Variants in BICDL2 observed in about 807,000 individuals in gnomAD.
The protein encoded by BICDL2 is BICD family-like cargo adapter 2.
A neutral mutation model predicts 56.6 loss-of-function variants in BICDL2; 62 were observed. The observed-to-expected ratio is 1.10, with a 90% CI of 0.89 to 1.35. BICDL2 has a LOEUF of 1.35. Ranked by LOEUF, BICDL2 falls within the 40% of genes most tolerant of loss-of-function variation. The pLI, the probability that BICDL2 is intolerant of heterozygous loss-of-function variation, is 0.00. For synonymous variants in BICDL2, 358 were observed against 319.8 expected (o/e 1.12, Z -1.27); for missense variants, 808 against 684.5 (o/e 1.18, Z -2.01).
At chr16:3,028,900 G>A (rs1450288591) in intron 7 of BICDL2, 70 bp from the exon 8 acceptor site, 11 of 1,486,792 alleles carry the variant, frequency 7.4e-6, no homozygotes, top group Non-Finnish European at 9.8e-6. Flanking sequence ...CAGCAGCCCC[G>A]ACTCTGGCTC....
At chr16:3,030,378 C>T in intron 5 of BICDL2, 71 bp downstream of exon 5, 7 of 1,541,034 alleles carry the variant, frequency 4.5e-6, no homozygotes, top group Non-Finnish European at 6.1e-6. Context: ...GCTCCGGCCT[C>T]ATCTCCCAGA....
In BICDL2 at chr16:3,028,844, AG is replaced by A; in HGVS notation, c.1108-15del. 11 of 1,536,354 alleles carry A rather than the reference AG, an allele frequency of 7.2e-6. No homozygotes were observed. The highest frequency in any genetic ancestry group is 1.2e-5 in the South Asian group (1 of 83,828). On this transcript the variant is annotated splice_polypyrimidine_tract_variant and intron_variant, in intron 7 of 9. Coordinates refer to ENST00000572449, the MANE Select transcript of BICDL2 (RefSeq NM_001369667.1). ...CTGCAGCGAGATCTGTGAGCAGAGG[AG>A]GGGGGCCGTGCGGCAGATGGGCCAA...
In BICDL2 at chr16:3,029,738, A is replaced by C. The variant is rs1345582423; in HGVS notation, c.764T>G (p.Leu255Arg). 5.4e-6 allele frequency: 8 copies of C among 1,493,962 alleles called. No individual in the cohort carries two copies. Among genetic ancestry groups the C allele is most frequent in the Admixed American group, 2.4e-5 (1 of 40,940 alleles). 92.5% of individuals were successfully genotyped at this position (1,493,962 alleles called of 1,614,324 possible). ...CCCAGCCTCTGACCGTGCGCGTTCCAGCTGTGGACGGTCCCGCAGACGGAA... is the reference window on the plus strand; with the variant it reads ...CCCAGCCTCTGACCGTGCGCGTTCCCGCTGTGGACGGTCCCGCAGACGGAA... Reference protein sequence around the residue: ...RRERREHSLELERARSEAGEA... With the variant: ...RRERREHSLERERARSEAGEA... Residue 255 changes from leucine (L) to arginine (R), a missense_variant and splice_region_variant, in exon 6 of 10, where the codon CTG becomes CGG. By Grantham distance (102) the Leu-to-Arg change is moderately radical. Transcript: ENST00000572449.
intron 5 of BICDL2, chr16:3,030,240 C>T (rs1955631915): frequency 1.6e-6 from 1 of 626,528 alleles, no homozygotes; most frequent in Non-Finnish European, 2.7e-6. Flanking sequence ...CCTGCTCTTC[C>T]AGCTGCCAGG....
chr16:3,028,561 G>A (rs1955594479), intron 8 of BICDL2, 93 bp from the exon 9 acceptor site: 5 of 1,533,166 alleles, frequency 3.3e-6, no homozygotes, highest in Admixed American at 2.2e-5. Context: ...CGGGAGGAGG[G>A]CTGCAAACAC....
chr16:3,036,221 G>T, intron 1 of BICDL2: 1 of 453,202 alleles, frequency 2.2e-6, no homozygotes, highest in Admixed American at 2.4e-5. Flanking sequence ...CTGACCCTCA[G>T]CCCCCCAGTT....
chr16:3,035,176 T>TTGGCGCGGGGGGGGGGGGGGGGG, intron 2 of BICDL2, 39 bp downstream of exon 2: 1 of 136,274 alleles, frequency 7.3e-6, no homozygotes, highest in Non-Finnish European at 1.4e-5. Context: ...CGTCCTCCCC[T>TTGGCGCGGGGGGGGGGGGGGGGG]GCCCACCCAC....
chr16:3,031,236 CA>C, intron 2 of BICDL2, 86 bp from the exon 3 acceptor site: 2 of 1,210,126 alleles, frequency 1.7e-6, no homozygotes, highest in Non-Finnish European at 2.3e-6. Flanking sequence ...GAGGGACAGA[CA>C]CCTAGGGAGA....
Position 3,028,381 on chromosome 16 carries a change from C to T in BICDL2, c.1326G>A (p.Lys442=). The change falls in exon 9 of 10, where the codon AAG becomes AAA. Residue 442 remains lysine, a synonymous_variant. Transcript: ENST00000572449. ...SRELLRAIRQ[K]VALTQELEAW... Reference sequence around the variant, plus strand: ...CCTCCAGCTCCTGCGTGAGCGCCACCTTCTGGCGGATGGCGCGCAGCAGCT... The same window carrying T: ...CCTCCAGCTCCTGCGTGAGCGCCACTTTCTGGCGGATGGCGCGCAGCAGCT... 1.3e-6 allele frequency: 2 copies of T among 1,552,052 alleles called. No homozygotes were observed. Among genetic ancestry groups the T allele is most frequent in the Non-Finnish European group, 1.7e-6 (2 of 1,157,004 alleles).
intron 7 of BICDL2, 66 bp from the exon 8 acceptor site, chr16:3,028,896 C>G: frequency 6.7e-7 from 1 of 1,493,044 alleles, no homozygotes; most frequent in Non-Finnish European, 8.9e-7. Context: ...CTCCCAGCAG[C>G]CCCGACTCTG....
intron 2 of BICDL2, among the ~76,000 whole-genome samples, chr16:3,033,191 G>C (rs1377443507): frequency 6.6e-6 from 1 of 152,166 alleles, no homozygotes; most frequent in Non-Finnish European, 1.5e-5. Flanking sequence ...TGGAATCCCA[G>C]CTACTTGGGA....
chr16:3,036,291 C>T (rs921219642), intron 1 of BICDL2: 6 of 451,832 alleles, frequency 1.3e-5, no homozygotes, highest in East Asian at 7.0e-5. Flanking sequence ...GCCGGCCGCC[C>T]GGCCGCAGCG....
rs767104550 is a variant in BICDL2 at position 3,029,437 on chromosome 16, C to A, written c.958-8G>T. The A allele has an allele frequency of 1.3e-6, 2 of 1,599,870 alleles. No individual in the cohort carries two copies. Among genetic ancestry groups the A allele is most frequent in the Middle Eastern group, 1.7e-4 (1 of 6,038 alleles). On this transcript the variant is annotated splice_polypyrimidine_tract_variant and splice_region_variant and intron_variant, in intron 6 of 9. Transcript: ENST00000572449. ...CTTTGGGGACCGGGTGGTCTGTGGG[C>A]CAAAGAAATGGGTTAGTGGTGTGGA...
rs760671038 is a variant in BICDL2 at position 3,030,530 on chromosome 16, C to T, written c.681G>A (p.Val227=). 4 of 1,601,802 alleles carry T rather than the reference C, an allele frequency of 2.5e-6. No homozygotes were observed. Among genetic ancestry groups the T allele is most frequent in the East Asian group, 4.5e-5 (2 of 44,712 alleles). Residue 227 remains valine, a synonymous_variant, in exon 5 of 10, where the codon GTG becomes GTA. Coordinates refer to ENST00000572449, the MANE Select transcript of BICDL2 (RefSeq NM_001369667.1). ...TCTGCAGTCTGCCCTCACCCTTCTC[C>T]ACCTCCTCACGCAGGCCTCGGATCT... The part of the protein sequence containing the change: ...EAQIRGLREE[V]EKGEGRLQTT...
chr16:3,034,949 A>G, intron 2 of BICDL2: 1 of 475,176 alleles, frequency 2.1e-6, no homozygotes, highest in South Asian at 3.6e-5. Flanking sequence ...TGGGCTAGTG[A>G]TCTTCCTGCC....
At chr16:3,036,301 G>T in intron 1 of BICDL2, 1 of 451,946 alleles carries the variant, frequency 2.2e-6, no homozygotes, top group Non-Finnish European at 4.4e-6. Context: ...CGGCCGCAGC[G>T]CGGCTCGGAG....
rs748190433 is a variant in BICDL2, at chr16:3,028,253, G to A, written c.1380C>T (p.Ile460=). Residue 460 remains isoleucine (I), a synonymous_variant, in exon 10 of 10, where the codon ATC becomes ATT. Transcript: ENST00000572449. ...GGCGCTGTGAGCGCAGCTGCTGCCC[G>A]ATCACCACCTGCATGTCGTCCTGCG... ...EAWQDDMQVV[I]GQQLRSQRQK... is the part of the protein sequence containing the mutation. 54 of 1,477,196 alleles carry A rather than the reference G, an allele frequency of 3.7e-5. No homozygotes were observed. Among genetic ancestry groups the A allele is most frequent in the Non-Finnish European group, 4.6e-5 (52 of 1,126,910 alleles). 91.5% of individuals were successfully genotyped at this position (1,477,196 alleles called of 1,614,324 possible).
rs1258745731 is a variant in BICDL2, at chr16:3,027,697, G to A, written c.*409C>T. 1.4e-6 allele frequency: 2 copies of A among 1,398,212 alleles called. No individual in the cohort carries two copies. The highest frequency in any genetic ancestry group is 1.9e-6 in the Non-Finnish European group (2 of 1,028,516). The allele number at this position is 1,398,212 out of a possible 1,614,324, so 86.6% of individuals were successfully genotyped here. ...CCCAGCCAGCTCAGGGTTTTAGAGTGTTTTTCATTTTCTTTTTTTTTTTTT... is the reference window on the plus strand; with the variant it reads ...CCCAGCCAGCTCAGGGTTTTAGAGTATTTTTCATTTTCTTTTTTTTTTTTT... On this transcript the variant is annotated 3_prime_UTR_variant, in exon 10 of 10. Transcript: ENST00000572449.
In BICDL2 at chr16:3,028,450, C is replaced by T. The variant is rs773951231; in HGVS notation, c.1257G>A (p.Leu419=). The T allele has an allele frequency of 1.9e-6, 3 of 1,568,826 alleles. No homozygotes were observed. In the Admixed American group the frequency reaches 5.5e-5, roughly 29 times the overall value. The part of the protein sequence containing the change: ...EAVNKALELS[L]QLNRVSLERD... Reference sequence around the variant, plus strand: ...GCTCCAGCGAGACGCGGTTGAGCTGCAGGGACAGCTCCAGGGCCCTAGGCG... The same window carrying T: ...GCTCCAGCGAGACGCGGTTGAGCTGTAGGGACAGCTCCAGGGCCCTAGGCG... Residue 419 remains leucine, a synonymous_variant, in exon 9 of 10, where the codon CTG becomes CTA. Coordinates refer to ENST00000572449, the MANE Select transcript of BICDL2 (RefSeq NM_001369667.1).
Sources: gnomAD v4.1 joint callset for allele counts (sites outside exome capture counted in the v4.1 genomes callset) on GRCh38, gnomAD v4.1.1 for gene constraint, MANE v1.5 for transcripts, NCBI Gene and HGNC (gene_info 2026-07-23, HGNC 2026-07-21) for gene names.